MYT1L: variants seen among roughly 807,000 people sequenced by gnomAD.
The protein encoded by MYT1L is myelin transcription factor 1-like protein.
Under a neutral mutation model 126.7 loss-of-function variants are expected in MYT1L, and 12 were observed. The observed-to-expected ratio is 0.09, with a 90% CI of 0.06 to 0.15. MYT1L has a LOEUF of 0.15. MYT1L is among the 10% of genes least tolerant of loss of function. The pLI is 1.00. For missense variants in MYT1L, 979 were observed against 1,585.2 expected (o/e 0.62, Z 6.49); for synonymous variants, 541 against 604.2 (o/e 0.90, Z 1.53).
intron 3 of MYT1L, among the ~76,000 whole-genome samples, chr2:2,145,218 G>A (rs892673665): frequency 2.0e-5 from 3 of 152,162 alleles, no homozygotes; most frequent in Non-Finnish European, 4.4e-5. Context: ...GTCTGTGTAC[G>A]ACCTGAGCAA....
At chr2:2,240,681 G>A (rs2094422027) in intron 2 of MYT1L, among the ~76,000 whole-genome samples, 4 of 152,082 alleles carry the variant, frequency 2.6e-5, no homozygotes, top group South Asian at 4.1e-4. Flanking sequence ...AATTAGTGTC[G>A]CTGACATAGC....
intron 3 of MYT1L, among the ~76,000 whole-genome samples, chr2:2,120,216 G>A (rs72767386): frequency 0.041 from 6,284 of 152,196 alleles, 187 homozygotes; most frequent in Non-Finnish European, 0.062. Flanking sequence ...TGGTTCCTTT[G>A]CGTCTACATT....
chr2:1,802,896 C>T (rs2035093819), intron 22 of MYT1L, among the ~76,000 whole-genome samples: 1 of 152,158 alleles, frequency 6.6e-6, no homozygotes, highest in African/African-American at 2.4e-5. Flanking sequence ...TGGATCTTTA[C>T]TCAAAACTAA....
intron 21 of MYT1L, among the ~76,000 whole-genome samples, chr2:1,836,820 C>G (rs1244850406): frequency 4.6e-5 from 7 of 152,214 alleles, no homozygotes; most frequent in Non-Finnish European, 1.0e-4. Context: ...AATATTCCAT[C>G]AGCCTGTGCC....
intron 3 of MYT1L, among the ~76,000 whole-genome samples, chr2:2,165,105 T>G (rs896228197): frequency 6.6e-5 from 10 of 152,176 alleles, no homozygotes; most frequent in Non-Finnish European, 1.2e-4. Context: ...GCACCAGAAG[T>G]GGAGCTCACG....
intron 21 of MYT1L, among the ~76,000 whole-genome samples, chr2:1,830,925 A>T (rs1370720580): frequency 6.6e-6 from 1 of 152,140 alleles, no homozygotes; most frequent in East Asian, 1.9e-4. Context: ...ATGCACCTGC[A>T]TGTCAATGGG....
At chr2:2,166,529 G>A (rs1014318349) in intron 3 of MYT1L, among the ~76,000 whole-genome samples, 10 of 152,158 alleles carry the variant, frequency 6.6e-5, no homozygotes, top group Admixed American at 5.9e-4. Flanking sequence ...CTGCGACCTT[G>A]GTCAAGTCAT....
chr2:2,294,895 G>T (rs892645949), intron 1 of MYT1L, among the ~76,000 whole-genome samples: 2 of 152,164 alleles, frequency 1.3e-5, no homozygotes, highest in Non-Finnish European at 1.5e-5. Context: ...CTAACATTCC[G>T]GGTGGAGAAG....
At chr2:2,327,128 A>G (rs2096253428) in intron 1 of MYT1L, 1 of 152,260 alleles carries the variant, frequency 6.6e-6, no homozygotes. Flanking sequence ...GTATTATTTC[A>G]TATGAGTTAT....
chr2:2,180,031 C>G (rs924086824), intron 2 of MYT1L, among the ~76,000 whole-genome samples: 7 of 152,314 alleles, frequency 4.6e-5, no homozygotes, highest in Non-Finnish European at 7.3e-5. Flanking sequence ...TTTCACACAG[C>G]CAGCCAGTGA....
intron 4 of MYT1L, among the ~76,000 whole-genome samples, chr2:2,050,249 C>T (rs938723772): frequency 6.6e-6 from 1 of 152,114 alleles, no homozygotes; most frequent in African/African-American, 2.4e-5. Context: ...GACATTTGCT[C>T]ACTGTTTTAA....
At chr2:1,792,217 C>A in intron 24 of MYT1L, 104 bp downstream of exon 24, 1 of 1,417,558 alleles carries the variant, frequency 7.1e-7, no homozygotes, top group South Asian at 1.5e-5. Context: ...CAAACATTTG[C>A]CAAAGGCTGA....
At position 1,892,106 on chromosome 2, in the gene MYT1L, G is replaced by A; in HGVS notation, c.2214C>T (p.Asn738=). 11 of 1,546,020 alleles carry A rather than the reference G, an allele frequency of 7.1e-6. No homozygotes were observed. Among genetic ancestry groups the A allele is most frequent in the Non-Finnish European group, 9.6e-6 (11 of 1,146,602 alleles). ...GCATCTCGCGGCAGCGCGTGGACAGGTTGAGGATGGCGGTGGCCGCCATGT... is the reference window on the plus strand; with the variant it reads ...GCATCTCGCGGCAGCGCGTGGACAGATTGAGGATGGCGGTGGCCGCCATGT... ...AAHMAATAIL[N]LSTRCREMPQ... is the part of the protein sequence containing the mutation. Residue 738 remains asparagine (N), a synonymous_variant, in exon 15 of 25, where the codon AAC becomes AAT. Transcript: ENST00000647738.
At chr2:1,957,027 T>C (rs2058540807) in intron 8 of MYT1L, among the ~76,000 whole-genome samples, 1 of 152,160 alleles carries the variant, frequency 6.6e-6, no homozygotes, top group Non-Finnish European at 1.5e-5. Context: ...TGAGGATGCC[T>C]CATGTGGCTG....
chr2:2,002,690 A>G (rs578017135), intron 4 of MYT1L, among the ~76,000 whole-genome samples: 3 of 152,312 alleles, frequency 2.0e-5, no homozygotes, highest in Admixed American at 2.0e-4. Context: ...GTCCCCACCC[A>G]AATCTCACCT....
At chr2:2,327,707 G>C (rs1216983887) in intron 1 of MYT1L, among the ~76,000 whole-genome samples, 3 of 152,132 alleles carry the variant, frequency 2.0e-5, no homozygotes, top group African/African-American at 7.2e-5. Flanking sequence ...GTTATTGATT[G>C]AAAATTATAG....
chr2:1,834,374 G>A (rs1442644997), intron 21 of MYT1L, among the ~76,000 whole-genome samples: 1 of 152,230 alleles, frequency 6.6e-6, no homozygotes, highest in Non-Finnish European at 1.5e-5. Context: ...TGTGCGCTTA[G>A]CTGTGTTCTT....
At chr2:2,099,339 C>T (rs1181836914) in intron 3 of MYT1L, among the ~76,000 whole-genome samples, 1 of 150,480 alleles carries the variant, frequency 6.6e-6, no homozygotes, top group African/African-American at 2.4e-5. Context: ...TTTTAAATGT[C>T]ATTTGTTTTT....
intron 21 of MYT1L, chr2:1,816,647 A>G: frequency 6.5e-6 from 1 of 152,774 alleles, no homozygotes; most frequent in Non-Finnish European, 1.5e-5. Flanking sequence ...TAAAATGAGG[A>G]TGGACATGGT....
Sources: allele counts gnomAD v4.1 joint callset (sites outside exome capture counted in the v4.1 genomes callset), GRCh38; gene constraint gnomAD v4.1.1; transcripts MANE v1.5; gene names NCBI Gene and HGNC (gene_info 2026-07-23, HGNC 2026-07-21).